Variants in CFAP20DC observed in about 807,000 individuals in gnomAD.
The protein encoded by CFAP20DC is CFAP20 domain containing, also known as protein CFAP20DC.
Under a neutral mutation model 101.7 loss-of-function variants are expected in CFAP20DC, and 84 were observed. The observed-to-expected ratio is 0.83, with a 90% confidence interval of 0.69 to 0.99. The LOEUF is 0.99. CFAP20DC is among the 50% of genes least tolerant of loss of function. The pLI is 0.00. For missense variants in CFAP20DC, 1,007 were observed against 970.3 expected (o/e 1.04, Z -0.50); for synonymous variants, 359 against 351.2 (o/e 1.02, Z -0.25).
At chr3:58,908,764 G>A (rs973047934) in intron 6 of CFAP20DC, among the ~76,000 whole-genome samples, 1 of 152,150 alleles carries the variant, frequency 6.6e-6, no homozygotes, top group Non-Finnish European at 1.5e-5. Context: ...TCTTTCAATA[G>A]GTGAATGGAT....
intron 5 of CFAP20DC, among the ~76,000 whole-genome samples, chr3:58,916,453 C>G (rs1250823969): frequency 2.0e-5 from 3 of 152,100 alleles, no homozygotes; most frequent in African/African-American, 7.2e-5. Context: ...TTTATTCTGT[C>G]AACCTGGACT....
At chr3:58,932,626 C>A (rs1177415772) in intron 5 of CFAP20DC, among the ~76,000 whole-genome samples, 2 of 152,256 alleles carry the variant, frequency 1.3e-5, no homozygotes, top group East Asian at 1.9e-4. Context: ...ATTCAACATT[C>A]TTAAAGAAAA....
At chr3:58,842,741 C>G (rs1225731334) in intron 13 of CFAP20DC, among the ~76,000 whole-genome samples, 1 of 152,222 alleles carries the variant, frequency 6.6e-6, no homozygotes, top group Non-Finnish European at 1.5e-5. Flanking sequence ...ACAGCAGTAA[C>G]CTCTGCAGAC....
intron 6 of CFAP20DC, 99 bp from the exon 7 acceptor site, chr3:58,884,808 G>T: frequency 1.0e-6 from 1 of 974,054 alleles, no homozygotes; most frequent in Non-Finnish European, 1.5e-6. Flanking sequence ...AGATTTTAGC[G>T]TATGACTTTG....
intron 4 of CFAP20DC, among the ~76,000 whole-genome samples, chr3:58,950,086 A>T (rs1330650456): frequency 2.0e-5 from 3 of 152,190 alleles, no homozygotes; most frequent in African/African-American, 4.8e-5. Flanking sequence ...CAGGATACAA[A>T]ATCAATGTGC....
intron 15 of CFAP20DC, among the ~76,000 whole-genome samples, chr3:58,792,105 C>T (rs2072909068): frequency 6.6e-6 from 1 of 152,202 alleles, no homozygotes; most frequent in South Asian, 2.1e-4. Flanking sequence ...AGAATTTCTA[C>T]CAAGAATATA....
chr3:58,751,008 T>C (rs1448713041), intron 16 of CFAP20DC, among the ~76,000 whole-genome samples: 1 of 152,170 alleles, frequency 6.6e-6, no homozygotes, highest in African/African-American at 2.4e-5. Flanking sequence ...CAGATTTCAA[T>C]GAATTGCTCT....
intron 5 of CFAP20DC, among the ~76,000 whole-genome samples, chr3:58,936,768 C>G (rs1224663005): frequency 1.3e-5 from 2 of 151,898 alleles, no homozygotes; most frequent in Non-Finnish European, 2.9e-5. Flanking sequence ...ACTCTGGGGA[C>G]TGTTGTGGGG....
chr3:59,017,822 C>T (rs1031913795), intron 4 of CFAP20DC: 20 of 152,176 alleles, frequency 1.3e-4, no homozygotes, highest in South Asian at 1.2e-3. Context: ...ATGATTGATT[C>T]GGCAGCTCAA....
chr3:58,983,562 C>G (rs2092655732), intron 4 of CFAP20DC, among the ~76,000 whole-genome samples: 1 of 152,094 alleles, frequency 6.6e-6, no homozygotes, highest in African/African-American at 2.4e-5. Context: ...ATAAAAGAGA[C>G]TGCCTATTCT....
At chr3:59,032,226 C>T (rs955977559) in intron 4 of CFAP20DC, among the ~76,000 whole-genome samples, 2 of 152,140 alleles carry the variant, frequency 1.3e-5, no homozygotes, top group African/African-American at 2.4e-5. Flanking sequence ...TCCTTGGGTG[C>T]CTACACCACC....
At chr3:58,995,712 C>T (rs1195886856) in intron 4 of CFAP20DC, among the ~76,000 whole-genome samples, 1 of 152,142 alleles carries the variant, frequency 6.6e-6, no homozygotes, top group Non-Finnish European at 1.5e-5. Flanking sequence ...TAGGTCTCAT[C>T]CAATCAATTG....
chr3:58,896,025 TCTGGGTGGGGAC>T (rs1399152786), intron 6 of CFAP20DC, among the ~76,000 whole-genome samples: 1 of 152,178 alleles, frequency 6.6e-6, no homozygotes, highest in Non-Finnish European at 1.5e-5. Context: ...CAAGATGAGA[TCTGGGTGGGGAC>T]ACAGCCAATC....
intron 12 of CFAP20DC, among the ~76,000 whole-genome samples, chr3:58,856,281 C>CACACAG (rs1446743478): frequency 1.4e-5 from 2 of 146,298 alleles, no homozygotes; most frequent in Non-Finnish European, 3.0e-5. Flanking sequence ...CACACACACA[C>CACACAG]ACACACACAC....
chr3:58,884,166 C>T (rs2081428226), intron 7 of CFAP20DC, among the ~76,000 whole-genome samples: 1 of 152,128 alleles, frequency 6.6e-6, no homozygotes, highest in Non-Finnish European at 1.5e-5. Flanking sequence ...AGGGAGCTTC[C>T]AGTTGGCTTC....
In CFAP20DC at chr3:58,747,907, A is replaced by C. The variant is rs115906949; in HGVS notation, c.2333-5335T>G. Among the ~76,000 whole-genome samples, 319 of 152,296 alleles carry C rather than the reference A, an allele frequency of 2.1e-3. 3 individuals carry two copies. The highest frequency in any genetic ancestry group is 7.5e-3 in the African/African-American group (310 of 41,564). On this transcript the variant is annotated intron_variant, in intron 16 of 16. Transcript: ENST00000482387. The stretch of plus-strand genomic sequence containing the variant: ...ACCAACAATGGAAAGAAAACAATGA[A>C]ATGCTACTTTCTTCCAATTAGAGGG...
At chr3:58,784,609 A>C (rs774329457) in intron 15 of CFAP20DC, among the ~76,000 whole-genome samples, 1 of 152,104 alleles carries the variant, frequency 6.6e-6, no homozygotes, top group Non-Finnish European at 1.5e-5. Context: ...GCTATTGTGA[A>C]TAGTGCTGTG....
chr3:58,778,177 A>C (rs1271227029), intron 15 of CFAP20DC, among the ~76,000 whole-genome samples: 1 of 151,874 alleles, frequency 6.6e-6, no homozygotes, highest in Non-Finnish European at 1.5e-5. Context: ...AGCTACAGCC[A>C]CCCCCACCTG....
In CFAP20DC at chr3:58,731,682, A is replaced by G. The variant is rs75508030; in HGVS notation, c.198-14054T>C. Among the ~76,000 whole-genome samples the G allele has an allele frequency of 7.1e-4, 108 of 152,366 alleles. 1 individual carries two copies. Among genetic ancestry groups the G allele is most frequent in the African/African-American group, 2.5e-3 (104 of 41,588 alleles). Reference sequence around the variant, plus strand: ...CTTGAAATGTATTTAGGTATATGTGAAGGTAAATTCTCAAGGGCTTTTAAA... The same window carrying G: ...CTTGAAATGTATTTAGGTATATGTGGAGGTAAATTCTCAAGGGCTTTTAAA... On this transcript the variant is annotated intron_variant, in intron 3 of 3. Coordinates refer to the CFAP20DC transcript ENST00000486145.
Sources: gnomAD v4.1 joint callset for allele counts (sites outside exome capture counted in the v4.1 genomes callset) on GRCh38, gnomAD v4.1.1 for gene constraint, MANE v1.5 for transcripts, NCBI Gene and HGNC (gene_info 2026-07-23, HGNC 2026-07-21) for gene names.